OPCML: variants seen among roughly 807,000 people sequenced by gnomAD.
The protein encoded by OPCML is opioid-binding protein/cell adhesion molecule.
OPCML carries 13 observed loss-of-function variants against 37.8 expected under a neutral mutation model. The ratio of observed to expected loss-of-function variants is 0.34; its 90% CI spans 0.22 to 0.55. The LOEUF (loss-of-function observed/expected upper bound fraction) is 0.55. OPCML is among the 20% of genes least tolerant of loss of function. The pLI is 0.91. For synonymous variants in OPCML, 176 were observed against 168.8 expected (o/e 1.04, Z -0.33); for missense variants, 341 against 435.6 (o/e 0.78, Z 1.93).
chr11:132,510,478 G>A (rs1256772142), intron 4 of OPCML, among the ~76,000 whole-genome samples: 1 of 152,120 alleles, frequency 6.6e-6, no homozygotes, highest in African/African-American at 2.4e-5. Context: ...ATCTTGAATT[G>A]TATCTCCCAG....
intron 4 of OPCML, among the ~76,000 whole-genome samples, chr11:132,514,310 A>G (rs977936127): frequency 1.3e-5 from 2 of 152,208 alleles, no homozygotes; most frequent in African/African-American, 4.8e-5. Context: ...TCCAGCAAGC[A>G]TGGGAGGCTT....
At chr11:133,314,093 GGC>G (rs1565566298) in intron 1 of OPCML, among the ~76,000 whole-genome samples, 15 of 146,198 alleles carry the variant, frequency 1.0e-4, no homozygotes, top group East Asian at 5.2e-4. Flanking sequence ...AAATTAGCCG[GGC>G]GTAGTGGCGG....
At chr11:132,569,957 A>C (rs2096433477) in intron 3 of OPCML, among the ~76,000 whole-genome samples, 1 of 152,190 alleles carries the variant, frequency 6.6e-6, no homozygotes, top group South Asian at 2.1e-4. Context: ...CAGTGAAAAA[A>C]AAAAACCGAA....
chr11:133,473,194 GT>G (rs1591539275), intron 1 of OPCML, among the ~76,000 whole-genome samples: 1 of 152,084 alleles, frequency 6.6e-6, no homozygotes. Flanking sequence ...AGGCAACAAG[GT>G]TGACAAAGGT....
intron 2 of OPCML, among the ~76,000 whole-genome samples, chr11:132,892,499 T>C (rs1943688604): frequency 6.6e-6 from 1 of 152,196 alleles, no homozygotes; most frequent in African/African-American, 2.4e-5. Context: ...CCGGGCATGG[T>C]GGCTCACGCC....
chr11:132,884,188 C>T (rs1200023452), intron 2 of OPCML, among the ~76,000 whole-genome samples: 5 of 152,128 alleles, frequency 3.3e-5, no homozygotes, highest in Admixed American at 6.5e-5. Context: ...AGAAGGTTAA[C>T]GATTGTCCTT....
intron 1 of OPCML, among the ~76,000 whole-genome samples, chr11:133,213,224 T>G (rs1359832071): frequency 1.1e-4 from 1 of 9,170 alleles, no homozygotes; most frequent in Admixed American, 1.4e-3. Flanking sequence ...TCATAATGAG[T>G]TTTTTTTTTT....
intron 2 of OPCML, among the ~76,000 whole-genome samples, chr11:132,921,989 C>G (rs1432774157): frequency 6.6e-6 from 1 of 152,062 alleles, no homozygotes; most frequent in Non-Finnish European, 1.5e-5. Context: ...AAGCGATTCT[C>G]CTGCCTCAGC....
intron 2 of OPCML, among the ~76,000 whole-genome samples, chr11:132,915,512 G>A (rs1215239433): frequency 3.3e-5 from 5 of 152,162 alleles, no homozygotes; most frequent in African/African-American, 1.2e-4. Flanking sequence ...TCCCCCTGCA[G>A]AGCCTGGGAC....
At chr11:132,511,858 A>G (rs2096269569) in intron 4 of OPCML, among the ~76,000 whole-genome samples, 1 of 151,978 alleles carries the variant, frequency 6.6e-6, no homozygotes. Flanking sequence ...ATATTGATAA[A>G]TTGGACTTCA....
chr11:132,920,433 C>T (rs1418610574), intron 2 of OPCML, among the ~76,000 whole-genome samples: 4 of 152,116 alleles, frequency 2.6e-5, no homozygotes, highest in East Asian at 3.9e-4. Context: ...CTGTGGTTTG[C>T]GGGAGAGGGC....
At chr11:132,961,539 G>A (rs569833096) in intron 1 of OPCML, among the ~76,000 whole-genome samples, 109 of 152,316 alleles carry the variant, frequency 7.2e-4, no homozygotes, top group African/African-American at 2.6e-3. Flanking sequence ...CGAGCACACT[G>A]ATGTGAGATG....
chr11:132,699,696 C>G (rs1458407424), intron 2 of OPCML, among the ~76,000 whole-genome samples: 1 of 151,964 alleles, frequency 6.6e-6, no homozygotes, highest in Admixed American at 6.6e-5. Context: ...GGAATAAATC[C>G]CACTTAAGTT....
At chr11:132,424,124 GT>G (rs5795774) in intron 7 of OPCML, among the ~76,000 whole-genome samples, 52,617 of 146,520 alleles carry the variant, frequency 0.36, 9,225 homozygotes, top group African/African-American at 0.44. Context: ...ACTAGAGGCA[GT>G]TTTTTTTTTT....
chr11:132,812,801 A>G (rs1218440246), intron 2 of OPCML, among the ~76,000 whole-genome samples: 1 of 152,220 alleles, frequency 6.6e-6, no homozygotes, highest in Non-Finnish European at 1.5e-5. Flanking sequence ...TCACCAACTT[A>G]AATTCTCCTT....
intron 7 of OPCML, among the ~76,000 whole-genome samples, chr11:132,434,029 G>C (rs765330505): frequency 1.3e-5 from 2 of 152,226 alleles, no homozygotes; most frequent in African/African-American, 2.4e-5. Flanking sequence ...GAAGGGCAGA[G>C]AGAGACAAGA....
chr11:133,266,470 A>C (rs1941662919), intron 1 of OPCML, among the ~76,000 whole-genome samples: 1 of 152,134 alleles, frequency 6.6e-6, no homozygotes, highest in African/African-American at 2.4e-5. Context: ...TCCAGAATAC[A>C]CACTGTTCTT....
At chr11:132,609,784 T>G in intron 3 of OPCML, among the ~76,000 whole-genome samples, 1 of 152,222 alleles carries the variant, frequency 6.6e-6, no homozygotes, top group East Asian at 1.9e-4. Flanking sequence ...TGCACGTGTT[T>G]ACATTTCACC....
At chr11:133,185,090 G>T (rs1041385988) in intron 1 of OPCML, among the ~76,000 whole-genome samples, 3 of 152,128 alleles carry the variant, frequency 2.0e-5, no homozygotes, top group Non-Finnish European at 2.9e-5. Context: ...AAAGTGTAGG[G>T]CACAGAGAAG....
Sources: gnomAD v4.1 joint callset for allele counts (sites outside exome capture counted in the v4.1 genomes callset) on GRCh38, gnomAD v4.1.1 for gene constraint, MANE v1.5 for transcripts, NCBI Gene and HGNC (gene_info 2026-07-23, HGNC 2026-07-21) for gene names.